THADA: variants seen among roughly 807,000 people sequenced by gnomAD.
THADA encodes the protein THADA armadillo repeat containing.
Under a neutral mutation model 219.8 loss-of-function variants are expected in THADA, and 213 were observed. The observed-to-expected ratio is 0.97, with a 90% CI of 0.87 to 1.09. The LOEUF is 1.09. THADA is among the 50% of genes least tolerant of loss of function. The probability of loss-of-function intolerance (pLI) is 0.00; values close to 1 mark genes in which losing one functional copy is unlikely to be tolerated. For missense variants in THADA, 2,956 were observed against 2,311.3 expected (o/e 1.28, Z -5.72); for synonymous variants, 1,018 against 828.9 (o/e 1.23, Z -3.92).
At chr2:43,414,955 A>G (rs1178338856) in intron 28 of THADA, among the ~76,000 whole-genome samples, 1 of 152,188 alleles carries the variant, frequency 6.6e-6, no homozygotes, top group Admixed American at 6.5e-5. Context: ...GGAGAGGTGA[A>G]TGGAAAACAC....
intron 14 of THADA, 125 bp from the exon 15 acceptor site, chr2:43,566,946 A>C: frequency 3.0e-6 from 2 of 659,366 alleles, no homozygotes; most frequent in Non-Finnish European, 4.6e-6. Context: ...ATTTCAAAAA[A>C]TGATACTGGT....
intron 21 of THADA, 138 bp from the exon 22 acceptor site, chr2:43,528,126 CTTTTT>C: frequency 5.1e-4 from 82 of 161,968 alleles, no homozygotes; most frequent in Middle Eastern, 2.5e-3. Context: ...ATGTTTTAAG[CTTTTT>C]TTTTTTTTTT....
intron 28 of THADA, among the ~76,000 whole-genome samples, chr2:43,409,341 T>C (rs1488456465): frequency 6.6e-6 from 1 of 151,746 alleles, no homozygotes; most frequent in African/African-American, 2.4e-5. Flanking sequence ...TTTTGAAAAA[T>C]TCCAAAAAAT....
At chr2:43,510,569 A>C (rs559377652) in intron 22 of THADA, among the ~76,000 whole-genome samples, 1 of 151,934 alleles carries the variant, frequency 6.6e-6, no homozygotes, top group East Asian at 1.9e-4. Flanking sequence ...CACACAGTTG[A>C]CCAATCAAAA....
intron 36 of THADA, among the ~76,000 whole-genome samples, chr2:43,258,430 G>C (rs1670565489): frequency 6.6e-6 from 1 of 152,158 alleles, no homozygotes; most frequent in Non-Finnish European, 1.5e-5. Context: ...GCTGAGGTGG[G>C]AGAATCGCTT....
At chr2:43,594,248 A>G (rs1701904525) in intron 1 of THADA, among the ~76,000 whole-genome samples, 1 of 152,164 alleles carries the variant, frequency 6.6e-6, no homozygotes, top group Non-Finnish European at 1.5e-5. Flanking sequence ...TCTCTTCCTT[A>G]AAACTTTCCA....
intron 22 of THADA, among the ~76,000 whole-genome samples, chr2:43,522,773 T>A (rs1216698343): frequency 6.6e-6 from 1 of 152,132 alleles, no homozygotes; most frequent in Non-Finnish European, 1.5e-5. Flanking sequence ...AATGTATACA[T>A]CAAGACATTC....
At chr2:43,515,263 AATATATAATATATAATATATT>A (rs1691474474) in intron 22 of THADA, among the ~76,000 whole-genome samples, 4 of 20,280 alleles carry the variant, frequency 2.0e-4, no homozygotes, top group Admixed American at 1.6e-3. Context: ...TATAATATAT[AATATATAATATATAATATATT>A]ATATATAATA....
Position 43,501,307 on chromosome 2 carries a change from C to CAAAAAAAAA in THADA, c.3622-2361_3622-2353dup, listed in dbSNP as rs60448094. Among the ~76,000 whole-genome samples the CAAAAAAAAA allele has an allele frequency of 2.5e-3, 38 of 15,042 alleles. 1 individual carries two copies. Among genetic ancestry groups the CAAAAAAAAA allele is most frequent in the South Asian group, 8.5e-3 (2 of 236 alleles). The allele number at this position is 15,042 out of a possible 152,430, so 9.9% of individuals were successfully genotyped here. On this transcript the variant is annotated intron_variant, in intron 24 of 37. Coordinates refer to ENST00000405975, the MANE Select transcript of THADA (RefSeq NM_022065.5). ...GGCAACAAAAGCGAAACTCCAACTC[C>CAAAAAAAAA]AAAAAAAAAAAAAAAAAAAAAAAAA...
chr2:43,487,693 G>A lies in THADA; in HGVS notation c.3745-2368C>T, dbSNP rs553304109. Among the ~76,000 whole-genome samples the A allele has an allele frequency of 2.6e-5, 4 of 152,248 alleles. No homozygotes were observed. In the East Asian group the frequency reaches 7.7e-4, roughly 29 times the overall value. On this transcript the variant is annotated intron_variant, in intron 25 of 37. Coordinates refer to ENST00000405975, the MANE Select transcript of THADA (RefSeq NM_022065.5). ...GGTAGAGCTCTCACGAATGCGATTA[G>A]TGCCCTTATAAAAGAGGCCCCAGTG...
intron 36 of THADA, among the ~76,000 whole-genome samples, chr2:43,272,579 G>T (rs145752687): frequency 6.7e-6 from 1 of 150,166 alleles, no homozygotes; most frequent in East Asian, 2.0e-4. Flanking sequence ...TTAAGTAGGA[G>T]TAAGAGAAGG....
chr2:43,334,320 G>C (rs373794091), intron 30 of THADA, among the ~76,000 whole-genome samples: 10 of 152,102 alleles, frequency 6.6e-5, no homozygotes, highest in African/African-American at 2.4e-4. Flanking sequence ...CTGCATGGGG[G>C]TGTGAAGGGC....
At chr2:43,551,683 C>A in intron 19 of THADA, 106 bp downstream of exon 19, 3 of 1,049,192 alleles carry the variant, frequency 2.9e-6, no homozygotes, top group Non-Finnish European at 1.3e-6. Context: ...TTCTCCTCAA[C>A]TTAGCTTTTA....
chr2:43,421,435 T>C (rs1244670328), intron 28 of THADA, among the ~76,000 whole-genome samples: 2 of 152,170 alleles, frequency 1.3e-5, no homozygotes, highest in African/African-American at 4.8e-5. Context: ...GGGCAGGAAG[T>C]TCTATGTCAA....
chr2:43,403,334 A>G (rs1462409844), intron 28 of THADA, among the ~76,000 whole-genome samples: 2 of 152,214 alleles, frequency 1.3e-5, no homozygotes, highest in African/African-American at 4.8e-5. Flanking sequence ...GAAGCAGAAC[A>G]ACGAAGATGA....
At chr2:43,336,567 C>T (rs1364807474) in intron 30 of THADA, among the ~76,000 whole-genome samples, 7 of 152,104 alleles carry the variant, frequency 4.6e-5, no homozygotes, top group Non-Finnish European at 7.4e-5. Flanking sequence ...CCACTGCACT[C>T]GTCCCCAATT....
At chr2:43,271,873 C>A (rs1405074674) in intron 36 of THADA, among the ~76,000 whole-genome samples, 2 of 152,164 alleles carry the variant, frequency 1.3e-5, no homozygotes, top group Non-Finnish European at 2.9e-5. Flanking sequence ...CCTCGGCCTC[C>A]CAGAGTGCTA....
At chr2:43,534,536 T>C (rs1468136031) in intron 21 of THADA, among the ~76,000 whole-genome samples, 2 of 152,170 alleles carry the variant, frequency 1.3e-5, no homozygotes, top group Non-Finnish European at 2.9e-5. Flanking sequence ...TACTTCGAGT[T>C]CAACTTCCAC....
At chr2:43,555,908 G>T (rs887149903) in intron 17 of THADA, among the ~76,000 whole-genome samples, 7 of 152,178 alleles carry the variant, frequency 4.6e-5, no homozygotes, top group African/African-American at 7.2e-5. Context: ...AATAATCTCA[G>T]ACCCTAGGTT....
Sources: allele counts gnomAD v4.1 joint callset (sites outside exome capture counted in the v4.1 genomes callset), GRCh38; gene constraint gnomAD v4.1.1; transcripts MANE v1.5; gene names NCBI Gene and HGNC (gene_info 2026-07-23, HGNC 2026-07-21).